Variants in SEC31A observed in about 807,000 individuals in gnomAD.
SEC31A encodes the protein SEC31 homolog A, COPII component, also known as protein transport protein Sec31A.
A neutral mutation model predicts 151.0 loss-of-function variants in SEC31A; 70 were observed. The observed-to-expected ratio is 0.46, with a 90% CI of 0.38 to 0.57. The LOEUF is 0.57. Ranked by LOEUF, SEC31A falls within the 20% of genes least tolerant of loss-of-function variation. SEC31A has a pLI of 0.00. For missense variants in SEC31A, 1,330 were observed against 1,471.2 expected (o/e 0.90, Z 1.57); for synonymous variants, 475 against 505.9 (o/e 0.94, Z 0.82).
At position 82,870,310 on chromosome 4, in the gene SEC31A, A is replaced by G; in HGVS notation, c.882+15T>C. 3.1e-6 allele frequency: 5 copies of G among 1,600,410 alleles called. No individual in the cohort carries two copies. The highest frequency in any genetic ancestry group is 4.3e-6 in the Non-Finnish European group (5 of 1,168,214). On this transcript the variant is annotated intron_variant, in intron 8 of 26. Transcript: ENST00000395310. Reference sequence around the variant, plus strand: ...TATAAGGGCTACAAGGTTGAGACACATTTCCTGCCCATACCTCTCCTGTGT... The same window carrying G: ...TATAAGGGCTACAAGGTTGAGACACGTTTCCTGCCCATACCTCTCCTGTGT...
At chr4:82,898,198 T>C (rs1208680857) in intron 3 of SEC31A, 1 of 152,192 alleles carries the variant, frequency 6.6e-6, no homozygotes, top group East Asian at 1.9e-4. Context: ...TGAACAGCAG[T>C]GAAAAGGTTT....
intron 1 of SEC31A, among the ~76,000 whole-genome samples, chr4:82,888,596 G>C (rs1282573877): frequency 6.6e-6 from 1 of 151,884 alleles, no homozygotes; most frequent in African/African-American, 2.4e-5. Context: ...GACTGAGGGA[G>C]GAGAATCGCT....
At position 82,827,576 on chromosome 4, in the gene SEC31A, C is replaced by T. The variant is rs1468354107; in HGVS notation, c.3084G>A (p.Leu1028=). The change falls in exon 24 of 27, where the codon TTG becomes TTA. Residue 1028 remains leucine (L), a synonymous_variant. Coordinates refer to ENST00000395310, the MANE Select transcript of SEC31A (RefSeq NM_001077207.4). ...GCAGCATTTGTGACTGGGGGTCACC[C>T]AACGGGTTCATGATTGGTGATGTGA... ...VPITSPIMNP[L]GDPQSQMLQQ... The T allele has an allele frequency of 8.7e-6, 14 of 1,613,984 alleles. No individual in the cohort carries two copies. The highest frequency in any genetic ancestry group is 1.2e-5 in the Non-Finnish European group (14 of 1,180,012).
upstream of SEC31A, chr4:82,891,374 G>A (rs577274579): frequency 2.8e-5 from 17 of 613,490 alleles, no homozygotes; most frequent in Middle Eastern, 4.4e-4. Flanking sequence ...GCGCCCCGGC[G>A]ATCGTAGAAA....
intron 1 of SEC31A, among the ~76,000 whole-genome samples, chr4:82,882,563 C>T (rs1051988289): frequency 6.6e-6 from 1 of 152,084 alleles, no homozygotes; most frequent in Non-Finnish European, 1.5e-5. Context: ...ATTAACTTTG[C>T]TACACATGTG....
chr4:82,866,330 G>A (rs1229869352), intron 10 of SEC31A, among the ~76,000 whole-genome samples: 2 of 152,134 alleles, frequency 1.3e-5, no homozygotes, highest in Non-Finnish European at 2.9e-5. Context: ...AACCAGCCAG[G>A]TGTGGTGGCA....
intron 22 of SEC31A, among the ~76,000 whole-genome samples, chr4:82,836,781 G>T (rs1727420259): frequency 6.6e-6 from 1 of 152,030 alleles, no homozygotes; most frequent in South Asian, 2.1e-4. Flanking sequence ...TGCAGGGATG[G>T]CTAATGGGTA....
Position 82,842,186 on chromosome 4 carries a change from T to A in SEC31A, c.2922A>T (p.Thr974=). Residue 974 remains threonine (T), a synonymous_variant, in exon 22 of 27, where the codon ACA becomes ACT. Transcript: ENST00000395310. The part of the protein sequence containing the change: ...SSAYALPPGT[T]GTLPAASELP... ...GCTCACTGGCAGCAGGCAGTGTACCTGTTGTTCCAGGAGGCAGTGCATAAG... is the reference window on the plus strand; with the variant it reads ...GCTCACTGGCAGCAGGCAGTGTACCAGTTGTTCCAGGAGGCAGTGCATAAG... 6.3e-7 allele frequency: 1 copy of A among 1,595,742 alleles called. No homozygotes were observed. Among genetic ancestry groups the A allele is most frequent in the South Asian group, 1.1e-5 (1 of 88,148 alleles).
chr4:82,830,938 T>C (rs1725801438), intron 22 of SEC31A: 2 of 1,218,582 alleles, frequency 1.6e-6, no homozygotes, highest in Non-Finnish European at 2.1e-6. Flanking sequence ...CCAATTCACC[T>C]TCCAACATAG....
chr4:82,821,271 G>A (rs1429755000), intron 25 of SEC31A, 163 bp from the exon 26 acceptor site: 10 of 595,524 alleles, frequency 1.7e-5, no homozygotes, highest in East Asian at 3.0e-5. Context: ...GATTATGGCC[G>A]GGCGTGGTGG....
rs142946988 is a variant in SEC31A at position 82,881,582 on chromosome 4, T to C, written c.79+276A>G. Among the ~76,000 whole-genome samples the C allele has an allele frequency of 4.2e-3, 637 of 152,340 alleles. 4 individuals carry two copies. Among genetic ancestry groups the C allele is most frequent in the Non-Finnish European group, 6.2e-3 (422 of 68,020 alleles). On this transcript the variant is annotated intron_variant, in intron 2 of 26. Transcript: ENST00000395310. ...TGCTCTTCATTCATTCAAACTGATA[T>C]TAACTGTTTTTTTTACATGCCATCT...
intron 1 of SEC31A, among the ~76,000 whole-genome samples, chr4:82,884,920 G>C (rs78520220): frequency 2.3e-4 from 35 of 152,164 alleles, no homozygotes; most frequent in African/African-American, 8.4e-4. Context: ...GTCTCTTACT[G>C]CTAATATATT....
chr4:82,898,124 A>G (rs2126006101), intron 3 of SEC31A: 1 of 152,332 alleles, frequency 6.6e-6, no homozygotes, highest in Non-Finnish European at 1.5e-5. Flanking sequence ...TGCAAATAAC[A>G]CTATCTTTAA....
rs7680218 is a variant in SEC31A at position 82,870,551 on chromosome 4, C to T, written c.783-127G>A. 6.7e-3 allele frequency: 4,983 copies of T among 744,932 alleles called. 177 individuals are homozygous for T. In the African/African-American group the frequency reaches 0.073, roughly 11 times the overall value. 46.1% of individuals were successfully genotyped at this position (744,932 alleles called of 1,614,324 possible). ...ATACAATTAAATGCAAGAGTTTCAG[C>T]GCCGGGCGCATTGGCTCACACCTGT... is the stretch of plus-strand genomic sequence containing the variant. On this transcript the variant is annotated intron_variant, in intron 7 of 26. Coordinates refer to ENST00000395310, the MANE Select transcript of SEC31A (RefSeq NM_001077207.4).
intron 13 of SEC31A, chr4:82,861,969 A>G (rs1734264333): frequency 4.4e-6 from 1 of 228,636 alleles, no homozygotes; most frequent in Non-Finnish European, 7.5e-6. Context: ...GCTGGAGTTC[A>G]GTGGCACGAT....
intron 19 of SEC31A, among the ~76,000 whole-genome samples, chr4:82,850,934 T>C (rs551878616): frequency 6.6e-6 from 1 of 152,258 alleles, no homozygotes; most frequent in African/African-American, 2.4e-5. Context: ...ATCTAATTAG[T>C]TCCCTCTGCT....
Position 82,819,052 on chromosome 4 carries a change from G to A in SEC31A, c.*22C>T. Reference sequence around the variant, plus strand: ...GTTTCTTTGGAAAAATGGCAATATTGAGTGGAAGAGAAGCTGTCCTTTTAG... The same window carrying A: ...GTTTCTTTGGAAAAATGGCAATATTAAGTGGAAGAGAAGCTGTCCTTTTAG... On this transcript the variant is annotated 3_prime_UTR_variant, in exon 27 of 27. Coordinates refer to ENST00000395310, the MANE Select transcript of SEC31A (RefSeq NM_001077207.4). 3 of 1,562,206 alleles carry A rather than the reference G, an allele frequency of 1.9e-6. No individual in the cohort carries two copies. The highest frequency in any genetic ancestry group is 2.6e-6 in the Non-Finnish European group (3 of 1,156,274).
chr4:82,851,388 C>A, intron 19 of SEC31A, 43 bp downstream of exon 19: 1 of 1,519,920 alleles, frequency 6.6e-7, no homozygotes, highest in Admixed American at 1.8e-5. Context: ...ATCTACTGGA[C>A]TCACCTTACT....
chr4:82,852,586 AT>A (rs11312804), intron 18 of SEC31A, among the ~76,000 whole-genome samples: 42,091 of 151,882 alleles, frequency 0.28, 6,865 homozygotes, highest in East Asian at 0.49. Flanking sequence ...TTTCCTACCC[AT>A]TTTTTTTGTT....
Sources: allele counts gnomAD v4.1 joint callset (sites outside exome capture counted in the v4.1 genomes callset), GRCh38; gene constraint gnomAD v4.1.1; transcripts MANE v1.5; gene names NCBI Gene and HGNC (gene_info 2026-07-23, HGNC 2026-07-21).